The following TLK2 variants were observed in gnomAD, a reference collection of about 807,000 sequenced individuals.
TLK2 encodes the protein serine/threonine-protein kinase tousled-like 2.
A neutral mutation model predicts 117.3 loss-of-function variants in TLK2; 6 were observed. That is an observed-to-expected ratio of 0.05 (90% confidence interval 0.03 to 0.10). The LOEUF is 0.10. Among genes scored for constraint, TLK2 ranks in the 10% least tolerant of loss-of-function variants. The pLI is 1.00. For synonymous variants in TLK2, 257 were observed against 316.7 expected, an observed-to-expected ratio of 0.81 and a Z score of 2.00; for missense variants, 299 against 901.2, an observed-to-expected ratio of 0.33 and a Z score of 8.56.
intron 19 of TLK2, among the ~76,000 whole-genome samples, chr17:62,604,469 A>G (rs2083113962): frequency 6.6e-6 from 1 of 152,106 alleles, no homozygotes; most frequent in South Asian, 2.1e-4. Context: ...TCTCCTCTCA[A>G]AATCCTTGAT....
At chr17:62,537,334 G>C (rs561183406) in intron 7 of TLK2, among the ~76,000 whole-genome samples, 25 of 152,314 alleles carry the variant, frequency 1.6e-4, no homozygotes, top group African/African-American at 6.0e-4. Flanking sequence ...TTATAGTTAT[G>C]ATAGCTTTAC....
rs972930669 is a variant in TLK2, at chr17:62,574,215, C to T, written c.1121+848C>T. 5.8e-6 allele frequency: 8 copies of T among 1,375,340 alleles called. No individual in the cohort carries two copies. The African/African-American group carries it at 7.3e-5, about 13-fold the overall frequency. The allele number at this position is 1,375,340 out of a possible 1,614,324, so 85.2% of individuals were successfully genotyped here. A position where few individuals can be genotyped will look rare whatever the true frequency, so the allele number is the denominator to read the frequency against. On this transcript the variant is annotated intron_variant, in intron 12 of 21. Transcript: ENST00000346027. ...AAAAGTCTGTGGCATCCTAGAAGTG[C>T]ATCTTCTTTCATTCTAGTGAGAAAG...
intron 13 of TLK2, among the ~76,000 whole-genome samples, chr17:62,578,080 A>C (rs1414222683): frequency 6.6e-6 from 1 of 152,188 alleles, no homozygotes; most frequent in Non-Finnish European, 1.5e-5. Flanking sequence ...TTAAGTCACC[A>C]AGTGTAATCC....
intron 11 of TLK2, chr17:62,572,951 T>A: frequency 3.3e-6 from 1 of 302,516 alleles, no homozygotes. Flanking sequence ...GAAAATAAGG[T>A]CACAATAGAA....
intron 2 of TLK2, among the ~76,000 whole-genome samples, chr17:62,518,241 G>T (rs2075773574): frequency 6.6e-6 from 1 of 152,120 alleles, no homozygotes; most frequent in African/African-American, 2.4e-5. Context: ...AGCATTAGAG[G>T]TGTTACCATG....
chr17:62,563,609 A>G (rs959736376), intron 10 of TLK2, among the ~76,000 whole-genome samples: 5 of 152,210 alleles, frequency 3.3e-5, no homozygotes, highest in Non-Finnish European at 4.4e-5. Flanking sequence ...CTTTTATCCC[A>G]TGGTATCATC....
chr17:62,575,723 G>A (rs988157565), intron 12 of TLK2, among the ~76,000 whole-genome samples: 1 of 151,526 alleles, frequency 6.6e-6, no homozygotes, highest in African/African-American at 2.4e-5. Flanking sequence ...TTGAGACAGA[G>A]CCTTGCTCTG....
chr17:62,516,617 A>G, intron 2 of TLK2: 4 of 1,610,174 alleles, frequency 2.5e-6, no homozygotes, highest in Non-Finnish European at 3.4e-6. Context: ...CACTTGAGAG[A>G]CTGCATGGCC....
chr17:62,495,642 A>G (rs1257633098), intron 2 of TLK2, among the ~76,000 whole-genome samples: 1 of 97,100 alleles, frequency 1.0e-5, no homozygotes, highest in African/African-American at 3.3e-5. Context: ...TGTGGTAAAA[A>G]ATTTTAAAAA....
At position 62,581,438 on chromosome 17, in the gene TLK2, C is replaced by CT. The variant is rs11334252; in HGVS notation, c.1368+1263dup. Among the ~76,000 whole-genome samples, 173 of 121,270 alleles carry CT rather than the reference C, an allele frequency of 1.4e-3. 1 individual carries two copies. The highest frequency in any genetic ancestry group is 8.0e-3 in the South Asian group (29 of 3,636). The allele number at this position is 121,270 out of a possible 152,430, so 79.6% of individuals were successfully genotyped here. ...TCTACTGGTTTTGATATTCTAGTAT[C>CT]TTTTTTTTTTTTTTTTTGGAGACAT... On this transcript the variant is annotated intron_variant, in intron 15 of 21. Coordinates refer to ENST00000346027, the MANE Select transcript of TLK2 (RefSeq NM_006852.6).
At chr17:62,515,089 A>G (rs1307242204) in intron 2 of TLK2, among the ~76,000 whole-genome samples, 1 of 152,158 alleles carries the variant, frequency 6.6e-6, no homozygotes, top group East Asian at 1.9e-4. Flanking sequence ...GAATTTAACT[A>G]TTATAGGTGC....
At chr17:62,596,995 T>G (rs1193138765) in intron 17 of TLK2, among the ~76,000 whole-genome samples, 3 of 138,658 alleles carry the variant, frequency 2.2e-5, no homozygotes, top group African/African-American at 5.3e-5. Flanking sequence ...TTTATTTTTG[T>G]TTTTTTTTAA....
chr17:62,536,307 G>A lies in TLK2; in HGVS notation c.501G>A (p.Arg167=). ...TTGACACAGAGCAGCTGGCGCAAAG[G>A]GGAGCTGGCCTCTGCTTCACTTTTG... ...PRLDTEQLAQ[R]GAGLCFTFVS... Residue 167 remains arginine, a synonymous_variant, in exon 7 of 22, where the codon AGG becomes AGA. Coordinates refer to ENST00000346027, the MANE Select transcript of TLK2 (RefSeq NM_006852.6). 6.2e-7 allele frequency: 1 copy of A among 1,613,094 alleles called. No individual in the cohort carries two copies. The highest frequency in any genetic ancestry group is 1.3e-5 in the African/African-American group (1 of 75,040).
At chr17:62,600,472 C>A in intron 17 of TLK2, 179 bp from the exon 18 acceptor site, 1 of 539,940 alleles carries the variant, frequency 1.9e-6, no homozygotes, top group Non-Finnish European at 3.2e-6. Context: ...AGAGAATAAG[C>A]AGTTTCTTAC....
chr17:62,490,094 T>C (rs2072944860), intron 2 of TLK2, among the ~76,000 whole-genome samples: 1 of 152,240 alleles, frequency 6.6e-6, no homozygotes, highest in African/African-American at 2.4e-5. Context: ...CCTCCGAAAG[T>C]GTTGGGATTA....
intron 6 of TLK2, among the ~76,000 whole-genome samples, chr17:62,526,023 CAT>C (rs937760558): frequency 3.3e-5 from 5 of 152,196 alleles, no homozygotes; most frequent in East Asian, 1.9e-4. Flanking sequence ...ACCCATCTCT[CAT>C]GTGTCAGTTT....
chr17:62,551,151 A>G (rs1438115240), intron 7 of TLK2, among the ~76,000 whole-genome samples: 2 of 152,190 alleles, frequency 1.3e-5, no homozygotes, highest in East Asian at 3.9e-4. Flanking sequence ...ACCTGTGACA[A>G]TGACAGTGAA....
chr17:62,574,472 A>G (rs1027161167), intron 12 of TLK2: 26 of 821,268 alleles, frequency 3.2e-5, no homozygotes, highest in Non-Finnish European at 3.9e-6. Flanking sequence ...AATGTGCATA[A>G]TGAACTTGGA....
intron 11 of TLK2, 40 bp from the exon 12 acceptor site, chr17:62,573,175 T>C (rs762912821): frequency 2.5e-6 from 4 of 1,574,548 alleles, no homozygotes; most frequent in South Asian, 1.2e-5. Flanking sequence ...GGTAAAACTT[T>C]TGACTTTCTT....
Sources: gnomAD v4.1 joint callset for allele counts (sites outside exome capture counted in the v4.1 genomes callset) on GRCh38, gnomAD v4.1.1 for gene constraint, MANE v1.5 for transcripts, NCBI Gene and HGNC (gene_info 2026-07-23, HGNC 2026-07-21) for gene names.